The following FAXC variants were observed in gnomAD, a reference collection of about 807,000 sequenced individuals.
FAXC encodes the protein failed axon connections homolog, metaxin like GST domain containing, also known as failed axon connections homolog.
Under a neutral mutation model 41.9 loss-of-function variants are expected in FAXC, and 10 were observed. That is an observed-to-expected ratio of 0.24 (90% confidence interval 0.15 to 0.41). FAXC has a LOEUF of 0.41. FAXC is among the 10% of genes least tolerant of loss of function. FAXC has a pLI of 1.00. For missense variants in FAXC, 399 were observed against 510.9 expected (o/e 0.78, Z 2.11); for synonymous variants, 183 against 183.8 (o/e 1.00, Z 0.03).
chr6:99,283,475 T>G (rs1770908938), intron 5 of FAXC, among the ~76,000 whole-genome samples: 2 of 152,232 alleles, frequency 1.3e-5, no homozygotes, highest in African/African-American at 4.8e-5. Flanking sequence ...CCCATGGACA[T>G]GTACTGGCTC....
rs556946994 is a variant in FAXC, at chr6:99,321,999, T to C, written c.823+1445A>G. ...AGACATAGCCATTGTTAAGGAGAAATGGCCCAGTTGTGAGCCTGGTTTCTG... is the reference window on the plus strand; with the variant it reads ...AGACATAGCCATTGTTAAGGAGAAACGGCCCAGTTGTGAGCCTGGTTTCTG... On this transcript the variant is annotated intron_variant, in intron 4 of 5. Transcript: ENST00000389677. Among the ~76,000 whole-genome samples, 10 of 152,280 alleles carry C rather than the reference T, an allele frequency of 6.6e-5. No homozygotes were observed. The South Asian group carries it at 2.1e-3, about 32-fold the overall frequency.
At position 99,278,887 on chromosome 6, in the gene FAXC, T is replaced by C. The variant is rs150866053; in HGVS notation, c.*2277A>G. On this transcript the variant is annotated 3_prime_UTR_variant, in exon 6 of 6. Coordinates refer to ENST00000389677, the MANE Select transcript of FAXC (RefSeq NM_032511.4). ...GTAATATAAAATTAAAAACATATAT[T>C]AATCTACATTCTCATAACTTAATCA... is the stretch of plus-strand genomic sequence containing the variant. 1 of 152,336 alleles carries C rather than the reference T, an allele frequency of 6.6e-6. No homozygotes were observed. The highest frequency in any genetic ancestry group is 1.9e-4 in the East Asian group (1 of 5,190). The allele number at this position is 152,336 out of a possible 1,614,324, so 9.4% of individuals were successfully genotyped here.
intron 4 of FAXC, among the ~76,000 whole-genome samples, chr6:99,299,467 G>A (rs1771621608): frequency 6.6e-6 from 1 of 152,132 alleles, no homozygotes; most frequent in Non-Finnish European, 1.5e-5. Flanking sequence ...GTTTTACATA[G>A]GGCTCCCTAT....
At chr6:99,289,547 T>C (rs1771151738) in intron 5 of FAXC, among the ~76,000 whole-genome samples, 1 of 152,060 alleles carries the variant, frequency 6.6e-6, no homozygotes. Flanking sequence ...TCCCAGCTAC[T>C]CAGTAGGTTG....
intron 4 of FAXC, among the ~76,000 whole-genome samples, chr6:99,306,453 T>C (rs895991476): frequency 2.0e-5 from 3 of 152,100 alleles, no homozygotes; most frequent in African/African-American, 7.2e-5. Context: ...AGTTCTGTTG[T>C]AGGATGTGCT....
Position 99,273,993 on chromosome 6 carries a change from A to G in FAXC, c.*7171T>C, listed in dbSNP as rs1350938290. 1.3e-5 allele frequency: 2 copies of G among 152,180 alleles called. No homozygotes were observed. The highest frequency in any genetic ancestry group is 4.8e-5 in the African/African-American group (2 of 41,440). 9.4% of individuals were successfully genotyped at this position (152,180 alleles called of 1,614,324 possible). ...GAGACCACTGCCTAAATAGGGATGG[A>G]CGATCTGGGCTGTCTGCAAACATTT... is the stretch of plus-strand genomic sequence containing the variant. On this transcript the variant is annotated 3_prime_UTR_variant, in exon 6 of 6. Coordinates refer to ENST00000389677, the MANE Select transcript of FAXC (RefSeq NM_032511.4).
chr6:99,341,609 C>T (rs1011067208), intron 2 of FAXC, among the ~76,000 whole-genome samples: 1 of 152,078 alleles, frequency 6.6e-6, no homozygotes, highest in Non-Finnish European at 1.5e-5. Flanking sequence ...AATACTCTAA[C>T]ATAAAGCAAG....
In FAXC at chr6:99,276,236, C is replaced by T. The variant is rs1354213620; in HGVS notation, c.*4928G>A. The T allele has an allele frequency of 2.0e-5, 3 of 151,346 alleles. No individual in the cohort carries two copies. Among genetic ancestry groups the T allele is most frequent in the African/African-American group, 7.3e-5 (3 of 41,208 alleles). 9.4% of individuals were successfully genotyped at this position (151,346 alleles called of 1,614,324 possible). A position where few individuals can be genotyped will look rare whatever the true frequency, so the allele number is the denominator to read the frequency against. ...AGCCACCAACCTTTTATTGAAAATA[C>T]ACTCAACAATTGTTCTATGAATGAA... On this transcript the variant is annotated 3_prime_UTR_variant, in exon 6 of 6. Coordinates refer to ENST00000389677, the MANE Select transcript of FAXC (RefSeq NM_032511.4).
Position 99,326,892 on chromosome 6 carries a change from G to GA in FAXC, c.600-3226dup, listed in dbSNP as rs1175715548. 3.3e-5 allele frequency among the ~76,000 whole-genome samples: 5 copies of GA among 152,310 alleles called. No homozygotes were observed. The Middle Eastern group carries it at 0.014, about 414-fold the overall frequency. Reference sequence around the variant, plus strand: ...CACAAGGTGAAAACACAGCAGTGTAGAGAGTTTTAGCAGTAGCAGGCATGA... The same window carrying GA: ...CACAAGGTGAAAACACAGCAGTGTAGAAGAGTTTTAGCAGTAGCAGGCATGA... On this transcript the variant is annotated intron_variant, in intron 3 of 5. Coordinates refer to ENST00000389677, the MANE Select transcript of FAXC (RefSeq NM_032511.4).
At chr6:99,282,514 C>T (rs1288879158) in intron 5 of FAXC, among the ~76,000 whole-genome samples, 2 of 152,174 alleles carry the variant, frequency 1.3e-5, no homozygotes, top group Non-Finnish European at 2.9e-5. Context: ...CACTAGATTA[C>T]TTCTTTTTTA....
At chr6:99,296,844 T>C (rs1289841448) in intron 4 of FAXC, among the ~76,000 whole-genome samples, 1 of 152,078 alleles carries the variant, frequency 6.6e-6, no homozygotes, top group Non-Finnish European at 1.5e-5. Flanking sequence ...GGTTCTACTG[T>C]GGGGCTGGAA....
intron 4 of FAXC, among the ~76,000 whole-genome samples, chr6:99,318,261 ACAC>A (rs1772444585): frequency 1.2e-5 from 1 of 86,232 alleles, no homozygotes; most frequent in African/African-American, 3.4e-5. Flanking sequence ...TCCGTCTCAA[ACAC>A]ACACACACAC....
intron 4 of FAXC, among the ~76,000 whole-genome samples, chr6:99,298,070 T>C (rs920068488): frequency 1.3e-5 from 2 of 152,148 alleles, no homozygotes; most frequent in Non-Finnish European, 2.9e-5. Flanking sequence ...TCTCAAACTT[T>C]AGAGGTATTA....
chr6:99,325,107 T>TG (rs1250220201), intron 3 of FAXC, among the ~76,000 whole-genome samples: 6 of 151,070 alleles, frequency 4.0e-5, no homozygotes, highest in South Asian at 2.1e-4. Flanking sequence ...AAGGTTTGTT[T>TG]TTTTTTTTAA....
At chr6:99,286,913 G>A (rs1240265187) in intron 5 of FAXC, among the ~76,000 whole-genome samples, 2 of 152,162 alleles carry the variant, frequency 1.3e-5, no homozygotes, top group Non-Finnish European at 2.9e-5. Flanking sequence ...CTTTGCTCAT[G>A]AGAATATAAA....
At chr6:99,315,724 C>T (rs1397132815) in intron 4 of FAXC, among the ~76,000 whole-genome samples, 1 of 152,164 alleles carries the variant, frequency 6.6e-6, no homozygotes, top group African/African-American at 2.4e-5. Flanking sequence ...AAATTTTTTG[C>T]TCAGAAAGCA....
intron 1 of FAXC, among the ~76,000 whole-genome samples, chr6:99,344,776 G>C (rs1407415390): frequency 6.6e-6 from 1 of 152,036 alleles, no homozygotes; most frequent in Non-Finnish European, 1.5e-5. Flanking sequence ...ATCACAAAGT[G>C]GTATTTTCAT....
intron 1 of FAXC, among the ~76,000 whole-genome samples, chr6:99,344,357 C>A (rs1365221768): frequency 2.0e-5 from 3 of 152,148 alleles, no homozygotes; most frequent in Admixed American, 1.3e-4. Context: ...AAACTTCACT[C>A]TTCCTTCCCC....
intron 5 of FAXC, among the ~76,000 whole-genome samples, chr6:99,284,561 G>GTC (rs1770948843): frequency 1.4e-4 from 3 of 21,322 alleles, no homozygotes; most frequent in African/African-American, 4.0e-4. Context: ...TGGAGTGTCT[G>GTC]TGTGTGTGTG....
Sources: gnomAD v4.1 joint callset for allele counts (sites outside exome capture counted in the v4.1 genomes callset) on GRCh38, gnomAD v4.1.1 for gene constraint, MANE v1.5 for transcripts, NCBI Gene and HGNC (gene_info 2026-07-23, HGNC 2026-07-21) for gene names.